Variants in ST8SIA6 observed in about 807,000 individuals in gnomAD.
The protein encoded by ST8SIA6 is ST8 alpha-N-acetyl-neuraminide alpha-2,8-sialyltransferase 6.
ST8SIA6 carries 39 observed loss-of-function variants against 33.6 expected under a neutral mutation model. That is an observed-to-expected ratio of 1.16 (90% CI 0.90 to 1.52). The LOEUF is 1.52. Ranked by LOEUF, ST8SIA6 falls within the 40% of genes most tolerant of loss-of-function variation. ST8SIA6 has a pLI of 0.00. For missense variants in ST8SIA6, 441 were observed against 443.8 expected, an observed-to-expected ratio of 0.99 and a Z score of 0.06; for synonymous variants, 172 against 167.2, an observed-to-expected ratio of 1.03 and a Z score of -0.22.
chr10:17,345,189 A>G (rs1448572155), intron 4 of ST8SIA6, among the ~76,000 whole-genome samples: 1 of 152,228 alleles, frequency 6.6e-6, no homozygotes, highest in Non-Finnish European at 1.5e-5. Context: ...ACTGCAGCAC[A>G]AAGGCCCACT....
chr10:17,344,147 G>A (rs548988488), intron 4 of ST8SIA6, among the ~76,000 whole-genome samples: 98 of 152,224 alleles, frequency 6.4e-4, no homozygotes, highest in African/African-American at 2.2e-3. Context: ...TCTAATTATT[G>A]TCTAATATAT....
chr10:17,451,023 T>G (rs967743226), intron 2 of ST8SIA6, among the ~76,000 whole-genome samples: 1 of 152,206 alleles, frequency 6.6e-6, no homozygotes, highest in African/African-American at 2.4e-5. Flanking sequence ...GTGTTAACTC[T>G]GTGACTGTGG....
intron 2 of ST8SIA6, chr10:17,408,189 C>T (rs937367028): frequency 6.6e-6 from 1 of 152,594 alleles, no homozygotes; most frequent in Admixed American, 6.5e-5. Flanking sequence ...TGCAAGCAAA[C>T]TGGATGACGA....
intron 2 of ST8SIA6, among the ~76,000 whole-genome samples, chr10:17,424,323 C>T (rs1486817175): frequency 1.3e-5 from 2 of 152,048 alleles, no homozygotes; most frequent in East Asian, 3.9e-4. Context: ...AGGCTGGTCT[C>T]GAGCTCCTGA....
chr10:17,408,849 G>A (rs886085953), intron 2 of ST8SIA6, among the ~76,000 whole-genome samples: 5 of 151,638 alleles, frequency 3.3e-5, no homozygotes, highest in African/African-American at 1.2e-4. Context: ...TCTGCCTCTC[G>A]GGTTCAAGAG....
chr10:17,395,699 A>T (rs896503003), intron 2 of ST8SIA6, among the ~76,000 whole-genome samples: 2 of 152,142 alleles, frequency 1.3e-5, no homozygotes, highest in East Asian at 3.9e-4. Context: ...CCTGACCAAC[A>T]TGGAGAAACC....
chr10:17,331,263 A>G (rs576915290), intron 5 of ST8SIA6, 145 bp downstream of exon 5: 1 of 964,550 alleles, frequency 1.0e-6, no homozygotes, highest in African/African-American at 1.7e-5. Flanking sequence ...GGCCCTTTTA[A>G]AAAATGGCTC....
At chr10:17,384,350 A>G (rs555488973) in intron 3 of ST8SIA6, among the ~76,000 whole-genome samples, 42 of 152,366 alleles carry the variant, frequency 2.8e-4, no homozygotes, top group Non-Finnish European at 3.8e-4. Context: ...GATTGCTTCT[A>G]TGGAACAGAG....
chr10:17,399,044 T>C (rs1258941584), intron 2 of ST8SIA6: 2 of 152,246 alleles, frequency 1.3e-5, no homozygotes, highest in East Asian at 3.8e-4. Context: ...TTCTGATTTA[T>C]AAATCGTCTT....
rs188674187 is a variant in ST8SIA6, at chr10:17,453,414, C to A, written c.200+145G>T. ...AGGGTGCCCCCCCCCAACCCCGCGC[C>A]CTCTTCAAACACACGCACACTCTTA... On this transcript the variant is annotated intron_variant, in intron 2 of 7. Coordinates refer to ENST00000377602, the MANE Select transcript of ST8SIA6 (RefSeq NM_001004470.3). 13 of 524,720 alleles carry A rather than the reference C, an allele frequency of 2.5e-5. No homozygotes were observed. The Admixed American group carries it at 5.3e-4, about 21-fold the overall frequency. The allele number at this position is 524,720 out of a possible 1,614,324, so 32.5% of individuals were successfully genotyped here.
intron 2 of ST8SIA6, among the ~76,000 whole-genome samples, chr10:17,449,531 G>A (rs1205846939): frequency 6.6e-6 from 1 of 152,172 alleles, no homozygotes; most frequent in Admixed American, 6.5e-5. Flanking sequence ...GAGAAGATAA[G>A]GTAATAATCC....
At chr10:17,349,927 AT>A (rs1848974248) in intron 4 of ST8SIA6, among the ~76,000 whole-genome samples, 1 of 137,600 alleles carries the variant, frequency 7.3e-6, no homozygotes, top group Non-Finnish European at 1.6e-5. Flanking sequence ...AGGTCTGTAA[AT>A]TAAATAAACA....
intron 3 of ST8SIA6, among the ~76,000 whole-genome samples, chr10:17,383,908 T>C (rs1482909917): frequency 6.6e-6 from 1 of 152,218 alleles, no homozygotes; most frequent in Non-Finnish European, 1.5e-5. Context: ...TATACTCCCA[T>C]GAACAAAATT....
At chr10:17,447,622 A>G (rs1229075166) in intron 2 of ST8SIA6, among the ~76,000 whole-genome samples, 1 of 152,188 alleles carries the variant, frequency 6.6e-6, no homozygotes, top group Non-Finnish European at 1.5e-5. Context: ...GGATCATTTA[A>G]AATGATAAAT....
At chr10:17,363,531 T>C (rs1422623869) in intron 3 of ST8SIA6, among the ~76,000 whole-genome samples, 2 of 152,156 alleles carry the variant, frequency 1.3e-5, no homozygotes, top group African/African-American at 4.8e-5. Context: ...GACTTGAGAG[T>C]AATCTCCTTT....
At chr10:17,374,987 A>G (rs1299239789) in intron 3 of ST8SIA6, among the ~76,000 whole-genome samples, 1 of 151,564 alleles carries the variant, frequency 6.6e-6, no homozygotes, top group Admixed American at 6.6e-5. Context: ...CCCAGGCTGG[A>G]GTGCAGGGTT....
At chr10:17,410,643 A>G (rs1187632705) in intron 2 of ST8SIA6, 1 of 152,212 alleles carries the variant, frequency 6.6e-6, no homozygotes, top group Non-Finnish European at 1.5e-5. Context: ...ATAAGAGACA[A>G]CTAAGCATGA....
At chr10:17,448,748 T>C (rs1024405566) in intron 2 of ST8SIA6, among the ~76,000 whole-genome samples, 22 of 151,012 alleles carry the variant, frequency 1.5e-4, no homozygotes, top group African/African-American at 5.4e-4. Flanking sequence ...CCCTAGTAGC[T>C]GGGACTACAG....
intron 3 of ST8SIA6, among the ~76,000 whole-genome samples, chr10:17,387,508 C>G (rs1253789653): frequency 6.7e-6 from 1 of 150,290 alleles, no homozygotes; most frequent in East Asian, 2.0e-4. Flanking sequence ...CTCGGGTGAT[C>G]TGCCCGCCTC....
Sources: gnomAD v4.1 joint callset for allele counts (sites outside exome capture counted in the v4.1 genomes callset) on GRCh38, gnomAD v4.1.1 for gene constraint, MANE v1.5 for transcripts, NCBI Gene and HGNC (gene_info 2026-07-23, HGNC 2026-07-21) for gene names.